Variants in TBCK observed in about 807,000 individuals in gnomAD.
TBCK encodes TBC1 domain containing kinase, also known as TBC domain-containing protein kinase-like protein.
Under a neutral mutation model 113.4 loss-of-function variants are expected in TBCK, and 99 were observed. The ratio of observed to expected loss-of-function variants is 0.87; its 90% CI spans 0.74 to 1.03. The LOEUF (loss-of-function observed/expected upper bound fraction) is 1.03, where lower values mean the gene tolerates loss of function less well. TBCK is among the 50% of genes least tolerant of loss of function. TBCK has a pLI of 0.00. For missense variants in TBCK, 1,045 were observed against 1,061.3 expected (o/e 0.98, Z 0.21); for synonymous variants, 369 against 370.8 (o/e 1.00, Z 0.05).
At position 106,308,850 on chromosome 4, in the gene TBCK, T is replaced by G. The variant is rs543097738; in HGVS notation, c.111A>C (p.Lys37Asn). 1.2e-6 allele frequency: 2 copies of G among 1,614,188 alleles called. No individual in the cohort carries two copies. Among genetic ancestry groups the G allele is most frequent in the East Asian group, 2.2e-5 (1 of 44,878 alleles). The change falls in exon 2 of 26, where the codon AAA (lysine) becomes AAC (asparagine). Residue 37 changes from lysine to asparagine, a missense_variant. Coordinates refer to ENST00000394708, the MANE Select transcript of TBCK (RefSeq NM_001163435.3). ...TAAGGATTTGAAAGCGCCCTAAAAT[T>G]TTGATGGAATTTGGTGTGAGAGGAA... ...NGLPLTPNSI[K>N]ILGRFQILKT...
At chr4:106,166,202 G>A (rs1579100888) in intron 23 of TBCK, among the ~76,000 whole-genome samples, 1 of 151,494 alleles carries the variant, frequency 6.6e-6, no homozygotes, top group African/African-American at 2.4e-5. Flanking sequence ...TATTAAAAAT[G>A]TAGACATTTC....
At chr4:106,148,090 G>A (rs1470291335) in intron 23 of TBCK, among the ~76,000 whole-genome samples, 1 of 152,106 alleles carries the variant, frequency 6.6e-6, no homozygotes, top group Non-Finnish European at 1.5e-5. Context: ...AATAAATTTT[G>A]GTCAGACCAG....
At chr4:106,293,211 C>T (rs1298485545) in intron 3 of TBCK, among the ~76,000 whole-genome samples, 2 of 152,124 alleles carry the variant, frequency 1.3e-5, no homozygotes, top group East Asian at 1.9e-4. Flanking sequence ...ACAGAATATC[C>T]CAAGATTGGC....
chr4:106,072,266 T>C (rs772120355), intron 25 of TBCK, among the ~76,000 whole-genome samples: 4 of 152,218 alleles, frequency 2.6e-5, no homozygotes, highest in Non-Finnish European at 5.9e-5. Context: ...GTGCTTCCTT[T>C]AGGGGCTCTT....
chr4:106,043,794 G>A lies in TBCK; in HGVS notation c.*2776C>T, dbSNP rs1733993746. On this transcript the variant is annotated 3_prime_UTR_variant, in exon 26 of 26. Transcript: ENST00000394708. ...GTGTGGGCTGGTGGTGGTACTTATG[G>A]CATTCCAGGTAAAGCCAGAAACAGT... The A allele has an allele frequency of 6.6e-6, 1 of 151,708 alleles. No homozygotes were observed. Among genetic ancestry groups the A allele is most frequent in the Non-Finnish European group, 1.5e-5 (1 of 67,900 alleles). The allele number at this position is 151,708 out of a possible 1,614,324, so 9.4% of individuals were successfully genotyped here. A position where few individuals can be genotyped will look rare whatever the true frequency, so the allele number is the denominator to read the frequency against.
At chr4:106,283,201 T>A (rs1764791865) in intron 3 of TBCK, among the ~76,000 whole-genome samples, 1 of 152,136 alleles carries the variant, frequency 6.6e-6, no homozygotes, top group South Asian at 2.1e-4. Flanking sequence ...ATTCATTCAA[T>A]AGTCCATTTG....
At chr4:106,063,674 A>C (rs1461447014) in intron 25 of TBCK, among the ~76,000 whole-genome samples, 2 of 151,854 alleles carry the variant, frequency 1.3e-5, no homozygotes, top group Non-Finnish European at 2.9e-5. Context: ...TTAAAATCTT[A>C]ACCCCAAGGT....
At position 106,058,228 on chromosome 4, in the gene TBCK, C is replaced by G. The variant is rs1267859857; in HGVS notation, c.2572-11548G>C. On this transcript the variant is annotated intron_variant, in intron 25 of 25. Coordinates refer to ENST00000394708, the MANE Select transcript of TBCK (RefSeq NM_001163435.3). ...TGATTACAATACCATTTGATAAATG[C>G]TACCTAGAGCCATCATTTATGGTTG... 3.3e-5 allele frequency among the ~76,000 whole-genome samples: 5 copies of G among 151,686 alleles called. No individual in the cohort carries two copies. In the East Asian group the frequency reaches 9.7e-4, roughly 29 times the overall value.
rs573051778 is a variant in TBCK, at chr4:106,311,188, T to C, written c.-29-2199A>G. Reference sequence around the variant, plus strand: ...TTACACTATCTTGCTATTATATTCCTACAGAAACTCCTACACACACACACA... The same window carrying C: ...TTACACTATCTTGCTATTATATTCCCACAGAAACTCCTACACACACACACA... On this transcript the variant is annotated intron_variant, in intron 1 of 25. Transcript: ENST00000394708. 4.8e-4 allele frequency among the ~76,000 whole-genome samples: 66 copies of C among 137,952 alleles called. No individual in the cohort carries two copies. The South Asian group carries it at 0.014, about 28-fold the overall frequency. The allele number at this position is 137,952 out of a possible 152,430, so 90.5% of individuals were successfully genotyped here.
At chr4:106,051,966 T>C (rs1734861823) in intron 25 of TBCK, among the ~76,000 whole-genome samples, 1 of 151,866 alleles carries the variant, frequency 6.6e-6, no homozygotes, top group South Asian at 2.1e-4. Context: ...ACTGATTTCT[T>C]CCCTTGATTA....
At chr4:106,255,257 G>A (rs1761859841) in intron 5 of TBCK, among the ~76,000 whole-genome samples, 1 of 152,200 alleles carries the variant, frequency 6.6e-6, no homozygotes. Context: ...AACCTCTGTG[G>A]CCAGTGGTGC....
intron 3 of TBCK, among the ~76,000 whole-genome samples, chr4:106,272,814 G>A (rs577498366): frequency 1.2e-4 from 19 of 152,212 alleles, no homozygotes; most frequent in African/African-American, 4.1e-4. Flanking sequence ...TTTAACTACA[G>A]TTAAGGGTAT....
At chr4:106,215,628 C>A (rs894668222) in intron 19 of TBCK, among the ~76,000 whole-genome samples, 1 of 152,154 alleles carries the variant, frequency 6.6e-6, no homozygotes, top group Non-Finnish European at 1.5e-5. Context: ...AAGGCCATAA[C>A]ATAATGGTAA....
chr4:106,278,263 TAA>T lies in TBCK; in HGVS notation c.267-16053_267-16052del, dbSNP rs533332808. ...TCAAACTTGAATCAAAACAAAGAAA[TAA>T]AGAGTTCATGGGCTGGGCGCGGCAC... On this transcript the variant is annotated intron_variant, in intron 3 of 25. Transcript: ENST00000394708. 4.9e-3 allele frequency among the ~76,000 whole-genome samples: 741 copies of T among 151,972 alleles called. 4 individuals are homozygous for T. The highest frequency in any genetic ancestry group is 0.017 in the African/African-American group (713 of 41,458).
At chr4:106,266,530 T>G (rs1230288171) in intron 3 of TBCK, among the ~76,000 whole-genome samples, 1 of 151,918 alleles carries the variant, frequency 6.6e-6, no homozygotes, top group East Asian at 1.9e-4. Context: ...TTGCTAATTG[T>G]GAGCTATTAG....
intron 22 of TBCK, among the ~76,000 whole-genome samples, chr4:106,185,560 G>A (rs1479132882): frequency 6.6e-6 from 1 of 152,038 alleles, no homozygotes; most frequent in Non-Finnish European, 1.5e-5. Flanking sequence ...GAATCATGCT[G>A]TATTTGTTCC....
intron 23 of TBCK, among the ~76,000 whole-genome samples, chr4:106,117,580 A>G (rs1743681077): frequency 6.6e-6 from 1 of 152,206 alleles, no homozygotes; most frequent in Non-Finnish European, 1.5e-5. Context: ...ATTTACAATT[A>G]TTCTCTATGT....
chr4:106,079,962 A>G (rs997679452), intron 25 of TBCK, among the ~76,000 whole-genome samples: 1 of 152,178 alleles, frequency 6.6e-6, no homozygotes, highest in African/African-American at 2.4e-5. Context: ...CACTATCACA[A>G]GAATAACAAG....
chr4:106,044,246 A>G lies in TBCK; in HGVS notation c.*2324T>C, dbSNP rs1339316467. The stretch of plus-strand genomic sequence containing the variant: ...CAGTAAGGCAGAGTTAAGACTCAGA[A>G]TGATCATCAATGGTGCATTCTGATT... On this transcript the variant is annotated 3_prime_UTR_variant, in exon 26 of 26. Coordinates refer to ENST00000394708, the MANE Select transcript of TBCK (RefSeq NM_001163435.3). 6.6e-6 allele frequency: 1 copy of G among 152,156 alleles called. No homozygotes were observed. Among genetic ancestry groups the G allele is most frequent in the Non-Finnish European group, 1.5e-5 (1 of 68,032 alleles). The allele number at this position is 152,156 out of a possible 1,614,324, so 9.4% of individuals were successfully genotyped here.
Sources: allele counts gnomAD v4.1 joint callset (sites outside exome capture counted in the v4.1 genomes callset), GRCh38; gene constraint gnomAD v4.1.1; transcripts MANE v1.5; gene names NCBI Gene and HGNC (gene_info 2026-07-23, HGNC 2026-07-21).